The following EIF2AK3 variants were observed in gnomAD, a reference collection of about 807,000 sequenced individuals.
EIF2AK3 encodes eukaryotic translation initiation factor 2-alpha kinase 3.
In EIF2AK3, 50 loss-of-function variants were observed where a neutral mutation model predicts 113.5. The observed-to-expected ratio is 0.44, with a 90% CI of 0.35 to 0.56. The LOEUF is 0.56. Ranked by LOEUF, EIF2AK3 falls within the 20% of genes least tolerant of loss-of-function variation. EIF2AK3 has a pLI of 0.00. For missense variants in EIF2AK3, 1,185 were observed against 1,378.0 expected (o/e 0.86, Z 2.22); for synonymous variants, 448 against 495.4 (o/e 0.90, Z 1.27).
In EIF2AK3 at chr2:88,590,639, T is replaced by A. The variant is rs771092486; in HGVS notation, c.1003-34A>T. ...AAATGGAAAAAAGGTCTTAAATAAT[T>A]CAAGCAGTAGTTATATAGTTCCAAC... is the stretch of plus-strand genomic sequence containing the variant. On this transcript the variant is annotated intron_variant, in intron 5 of 16. Transcript: ENST00000303236. The A allele has an allele frequency of 1.2e-5, 19 of 1,606,906 alleles. No homozygotes were observed. In the South Asian group the frequency reaches 2.1e-4, roughly 18 times the overall value.
intron 2 of EIF2AK3, among the ~76,000 whole-genome samples, chr2:88,599,289 T>C (rs2104450379): frequency 6.6e-6 from 1 of 152,262 alleles, no homozygotes; most frequent in Middle Eastern, 3.4e-3. Context: ...CTTAGAGTCT[T>C]AGCATAACTA....
intron 2 of EIF2AK3, among the ~76,000 whole-genome samples, chr2:88,612,689 T>C (rs546569713): frequency 7.9e-5 from 12 of 152,206 alleles, no homozygotes; most frequent in Non-Finnish European, 1.8e-4. Flanking sequence ...AAGTCTGTTA[T>C]TATAGATGCG....
In EIF2AK3 at chr2:88,557,815, CTCTG is replaced by C. The variant is rs779142799; in HGVS notation, c.3268_3271del (p.Gln1090GlyfsTer5). On this transcript the variant is annotated frameshift_variant, in exon 17 of 17. Transcript: ENST00000303236. LOFTEE classifies it high-confidence loss of function. ...TCCCGATGAACTCAAGGAGCGAGAC[CTCTG>C]TCTGAGCACTGTTTTTCCTGGAAAG... The C allele has an allele frequency of 1.1e-5, 17 of 1,614,024 alleles. No homozygotes were observed. Among genetic ancestry groups the C allele is most frequent in the East Asian group, 4.5e-5 (2 of 44,894 alleles).
chr2:88,582,698 G>T (rs1179454493), intron 10 of EIF2AK3, among the ~76,000 whole-genome samples: 1 of 151,670 alleles, frequency 6.6e-6, no homozygotes, highest in Non-Finnish European at 1.5e-5. Context: ...TCCTTGGAGG[G>T]CCCCAATATA....
At chr2:88,612,626 C>G (rs1235862155) in intron 2 of EIF2AK3, among the ~76,000 whole-genome samples, 1 of 152,138 alleles carries the variant, frequency 6.6e-6, no homozygotes, top group Non-Finnish European at 1.5e-5. Context: ...CCTTAAATAT[C>G]AGTTTGGGTG....
chr2:88,589,628 A>C (rs1483458544), intron 6 of EIF2AK3, among the ~76,000 whole-genome samples: 1 of 150,054 alleles, frequency 6.7e-6, no homozygotes, highest in Admixed American at 6.7e-5. Flanking sequence ...TATATTTTAT[A>C]TGTAATTACA....
chr2:88,574,969 A>G lies in EIF2AK3; in HGVS notation c.2514T>C (p.Thr838=), dbSNP rs764889727. 1 of 1,614,068 alleles carries G rather than the reference A, an allele frequency of 6.2e-7. No homozygotes were observed. The highest frequency in any genetic ancestry group is 8.5e-7 in the Non-Finnish European group (1 of 1,180,026). Residue 838 remains threonine, a synonymous_variant, in exon 13 of 17, where the codon ACT becomes ACC. Coordinates refer to ENST00000303236, the MANE Select transcript of EIF2AK3 (RefSeq NM_004836.7). The part of the protein sequence containing the change: ...HIGNHCANKL[T]AFKPTSSKSS... ...ATTTGCTACTGGTGGGCTTGAAAGCAGTTAGTTTATTAGCACAATGGTTGC... is the reference window on the plus strand; with the variant it reads ...ATTTGCTACTGGTGGGCTTGAAAGCGGTTAGTTTATTAGCACAATGGTTGC...
chr2:88,625,974 G>A (rs1028652495), intron 1 of EIF2AK3, among the ~76,000 whole-genome samples: 7 of 151,966 alleles, frequency 4.6e-5, no homozygotes, highest in African/African-American at 1.7e-4. Flanking sequence ...AACTTGTTAC[G>A]ATCTAGTAAT....
At chr2:88,616,499 TCA>T (rs1458880054) in intron 1 of EIF2AK3, among the ~76,000 whole-genome samples, 1 of 152,198 alleles carries the variant, frequency 6.6e-6, no homozygotes, top group Non-Finnish European at 1.5e-5. Flanking sequence ...CAATCTCGGC[TCA>T]CTGCAACCTC....
intron 4 of EIF2AK3, 125 bp downstream of exon 4, chr2:88,593,147 A>AT: frequency 3.6e-6 from 4 of 1,110,574 alleles, no homozygotes; most frequent in Non-Finnish European, 3.8e-6. Flanking sequence ...GTATCAAAAA[A>AT]ATATATATAT....
Position 88,561,278 on chromosome 2 carries a change from T to TC in EIF2AK3, c.3087+1010dup, listed in dbSNP as rs1243458734. 2.4e-4 allele frequency among the ~76,000 whole-genome samples: 35 copies of TC among 144,958 alleles called. No individual in the cohort carries two copies. In the South Asian group the frequency reaches 5.9e-3, roughly 25 times the overall value. On this transcript the variant is annotated intron_variant, in intron 15 of 16. Coordinates refer to ENST00000303236, the MANE Select transcript of EIF2AK3 (RefSeq NM_004836.7). ...CAGAGGGCTACTTTTTTTTTTTTTT[T>TC]CGAGACAGAGTCTCACTCTGTCACC...
intron 10 of EIF2AK3, 116 bp from the exon 11 acceptor site, chr2:88,579,756 TAATA>T (rs1432883748): frequency 6.5e-6 from 6 of 919,450 alleles, no homozygotes; most frequent in South Asian, 4.7e-5. Context: ...GAACTCATCT[TAATA>T]AATAGTATAT....
In EIF2AK3 at chr2:88,627,424, T is replaced by C; in HGVS notation, c.-150A>G. 1 of 1,008,024 alleles carries C rather than the reference T, an allele frequency of 9.9e-7. No homozygotes were observed. The highest frequency in any genetic ancestry group is 1.3e-6 in the Non-Finnish European group (1 of 768,906). 62.4% of individuals were successfully genotyped at this position (1,008,024 alleles called of 1,614,324 possible). ...AGCCAGCCGTGTTCCCCTGGCCACG[T>C]CTCAGCCCGGCCTCTGCCGCTGCCA... is the stretch of plus-strand genomic sequence containing the variant. On this transcript the variant is annotated 5_prime_UTR_variant, in exon 1 of 17. Coordinates refer to ENST00000303236, the MANE Select transcript of EIF2AK3 (RefSeq NM_004836.7).
In EIF2AK3 at chr2:88,557,643, C is replaced by T; in HGVS notation, c.*93G>A. ...GTCCACAAAAAAATTGAGCGAAGAA[C>T]AAACTTTTCAAGTCTGCAATTTTGG... On this transcript the variant is annotated 3_prime_UTR_variant, in exon 17 of 17. Transcript: ENST00000303236. 5.7e-6 allele frequency: 8 copies of T among 1,414,422 alleles called. No homozygotes were observed. Among genetic ancestry groups the T allele is most frequent in the Non-Finnish European group, 8.0e-6 (8 of 999,982 alleles). The allele number at this position is 1,414,422 out of a possible 1,614,324, so 87.6% of individuals were successfully genotyped here.
intron 2 of EIF2AK3, among the ~76,000 whole-genome samples, chr2:88,601,834 C>CTT (rs59987968): frequency 0.024 from 1,772 of 74,566 alleles, 84 homozygotes; most frequent in African/African-American, 0.083. Context: ...TAAGATTTTT[C>CTT]TTTTTTTTTT....
In EIF2AK3 at chr2:88,621,234, CAAT is replaced by C. The variant is rs1272286942; in HGVS notation, c.308+5730_308+5732del. ...ATGACTTTATGCCACAATGAATACG[CAAT>C]AAAAAAAGAAAAACTGTGCTGACTT... On this transcript the variant is annotated intron_variant, in intron 1 of 16. Transcript: ENST00000303236. Among the ~76,000 whole-genome samples, 4 of 152,076 alleles carry C rather than the reference CAAT, an allele frequency of 2.6e-5. No homozygotes were observed. In the East Asian group the frequency reaches 7.7e-4, roughly 29 times the overall value.
chr2:88,598,886 T>A (rs970286096), intron 2 of EIF2AK3, among the ~76,000 whole-genome samples: 4 of 152,136 alleles, frequency 2.6e-5, no homozygotes, highest in Admixed American at 2.6e-4. Context: ...ATTTAACTTA[T>A]CCTCAAATAT....
intron 9 of EIF2AK3, among the ~76,000 whole-genome samples, chr2:88,584,571 G>A (rs1674674150): frequency 6.7e-6 from 1 of 148,212 alleles, no homozygotes; most frequent in Non-Finnish European, 1.5e-5. Context: ...TAGAGGTAGA[G>A]AGAGAAATTA....
At chr2:88,564,644 T>C (rs1190232152) in intron 14 of EIF2AK3, among the ~76,000 whole-genome samples, 1 of 152,168 alleles carries the variant, frequency 6.6e-6, no homozygotes, top group East Asian at 1.9e-4. Flanking sequence ...GGTGTTCATC[T>C]TTTCACTAGC....
Sources: gnomAD v4.1 joint callset for allele counts (sites outside exome capture counted in the v4.1 genomes callset) on GRCh38, gnomAD v4.1.1 for gene constraint, MANE v1.5 for transcripts, NCBI Gene and HGNC (gene_info 2026-07-23, HGNC 2026-07-21) for gene names.